Variants in KLF8 observed in about 807,000 individuals in gnomAD.
The protein encoded by KLF8 is KLF transcription factor 8, also known as Krueppel-like factor 8.
KLF8 carries 10 observed loss-of-function variants against 18.2 expected under a neutral mutation model. That is an observed-to-expected ratio of 0.55 (90% confidence interval 0.34 to 0.93). KLF8 has a LOEUF of 0.93. KLF8 is among the 40% of genes least tolerant of loss of function. The pLI is 0.02. For missense variants in KLF8, 264 were observed against 277.9 expected, an observed-to-expected ratio of 0.95 and a Z score of 0.36; for synonymous variants, 109 against 97.3, an observed-to-expected ratio of 1.12 and a Z score of -0.71.
At chrX:55,998,512 C>T in the KLF8 span, among the ~76,000 whole-genome samples, 1 of 112,608 alleles carries the variant, frequency 8.9e-6, no homozygotes, top group East Asian at 2.8e-4. Flanking sequence ...GTGTTGCCTT[C>T]AAGCATCTGT....
At chrX:56,157,524 T>C in the KLF8 span, among the ~76,000 whole-genome samples, 1 of 110,794 alleles carries the variant, frequency 9.0e-6, no homozygotes, top group Non-Finnish European at 1.9e-5. Context: ...AAAGTGTTCC[T>C]ATTTTTCCAC....
At chrX:56,074,237 G>T in the KLF8 span, among the ~76,000 whole-genome samples, 3 of 111,574 alleles carry the variant, frequency 2.7e-5, no homozygotes, top group Admixed American at 2.8e-4. Flanking sequence ...TTTGTAGATT[G>T]TCTTCTCCTT....
intron 5 of KLF8, among the ~76,000 whole-genome samples, chrX:56,277,869 A>G (rs2067143282): frequency 8.9e-6 from 1 of 112,641 alleles, no homozygotes; most frequent in South Asian, 3.7e-4. Flanking sequence ...ACCATGAGAC[A>G]CAGTTCTTCC....
the KLF8 span, among the ~76,000 whole-genome samples, chrX:55,918,680 TATAACTCTA>T: frequency 2.7e-5 from 3 of 111,771 alleles, no homozygotes; most frequent in African/African-American, 9.8e-5. Context: ...CTTGTGGCAG[TATAACTCTA>T]ATTTCTGTCT....
At chrX:55,963,532 A>C in the KLF8 span, among the ~76,000 whole-genome samples, 2 of 110,499 alleles carry the variant, frequency 1.8e-5, no homozygotes, top group African/African-American at 6.8e-5. Context: ...TGTTACAATA[A>C]AATTACTGAA....
At chrX:56,221,412 T>A in the KLF8 span, among the ~76,000 whole-genome samples, 1 of 112,229 alleles carries the variant, frequency 8.9e-6, no homozygotes, top group Admixed American at 9.4e-5. Context: ...AGGGTTCATT[T>A]CTGAGGATCC....
At chrX:55,937,039 C>T in the KLF8 span, among the ~76,000 whole-genome samples, 1 of 111,546 alleles carries the variant, frequency 9.0e-6, no homozygotes, top group East Asian at 2.8e-4. Context: ...GCTCTCCCAG[C>T]ATGCAGCTTG....
the KLF8 span, among the ~76,000 whole-genome samples, chrX:56,016,414 A>G: frequency 8.9e-6 from 1 of 111,999 alleles, no homozygotes; most frequent in Non-Finnish European, 1.9e-5. Flanking sequence ...TAAATGTAAT[A>G]ACTCCTGGTG....
At chrX:56,188,661 C>G in the KLF8 span, among the ~76,000 whole-genome samples, 2 of 111,689 alleles carry the variant, frequency 1.8e-5, no homozygotes, top group African/African-American at 6.5e-5. Context: ...GGTACTGGTA[C>G]CAAAACAGAC....
At chrX:56,026,109 T>A in the KLF8 span, among the ~76,000 whole-genome samples, 1 of 112,256 alleles carries the variant, frequency 8.9e-6, no homozygotes, top group Admixed American at 9.4e-5. Flanking sequence ...AGGCTTGGTT[T>A]GGCCTCCTAG....
the KLF8 span, among the ~76,000 whole-genome samples, chrX:56,037,647 T>C: frequency 9.0e-6 from 1 of 111,428 alleles, no homozygotes. Flanking sequence ...CAATCCTTTT[T>C]ATAATTTCTT....
chrX:55,966,051 T>C, the KLF8 span, among the ~76,000 whole-genome samples: 1 of 112,192 alleles, frequency 8.9e-6, no homozygotes, highest in African/African-American at 3.2e-5. Flanking sequence ...CTTGTCTGAC[T>C]GTGGAAGAAG....
chrX:56,191,198 A>C, the KLF8 span, among the ~76,000 whole-genome samples: 1 of 111,795 alleles, frequency 8.9e-6, no homozygotes, highest in Non-Finnish European at 1.9e-5. Context: ...CCAATAAATT[A>C]GAAAATCTAA....
chrX:56,264,983 G>A (rs763496569), intron 2 of KLF8, among the ~76,000 whole-genome samples, 197 bp from the exon 3 acceptor site: 13 of 111,520 alleles, frequency 1.2e-4, no homozygotes, highest in South Asian at 3.7e-4. Flanking sequence ...AACAATTGCC[G>A]GATACAGTAC....
At chrX:56,060,491 T>A in the KLF8 span, among the ~76,000 whole-genome samples, 1 of 112,192 alleles carries the variant, frequency 8.9e-6, no homozygotes, top group Non-Finnish European at 1.9e-5. Context: ...ATTACATTTA[T>A]TAATTTGTGT....
the KLF8 span, among the ~76,000 whole-genome samples, chrX:56,013,697 C>T: frequency 5.2e-4 from 58 of 111,075 alleles, no homozygotes; most frequent in Non-Finnish European, 9.1e-4. Flanking sequence ...AACGGGCTTC[C>T]CCCTCACTAG....
At chrX:56,089,569 C>T in the KLF8 span, among the ~76,000 whole-genome samples, 5 of 111,825 alleles carry the variant, frequency 4.5e-5, no homozygotes, top group East Asian at 2.8e-4. Context: ...TGAAAATCAG[C>T]GACTCCTTTT....
At chrX:56,186,908 C>T in the KLF8 span, among the ~76,000 whole-genome samples, 1 of 111,600 alleles carries the variant, frequency 9.0e-6, no homozygotes. Context: ...CACTAAATGC[C>T]CACAAGAGAA....
the KLF8 span, among the ~76,000 whole-genome samples, chrX:56,078,784 T>G: frequency 9.6e-3 from 1,068 of 111,237 alleles, 11 homozygotes; most frequent in African/African-American, 0.03. Flanking sequence ...GACTCTTTTT[T>G]GTTGGTAAGC....
Sources: allele counts gnomAD v4.1 joint callset (sites outside exome capture counted in the v4.1 genomes callset), GRCh38; gene constraint gnomAD v4.1.1; transcripts MANE v1.5; gene names NCBI Gene and HGNC (gene_info 2026-07-23, HGNC 2026-07-21).